ROCK1: variants seen among roughly 807,000 people sequenced by gnomAD.
ROCK1 encodes Rho associated coiled-coil containing protein kinase 1, also known as rho-associated protein kinase 1.
In ROCK1, 36 loss-of-function variants were observed where a neutral mutation model predicts 196.8. That is an observed-to-expected ratio of 0.18 (90% CI 0.14 to 0.24). ROCK1 has a LOEUF of 0.24. Ranked by LOEUF, ROCK1 falls within the 10% of genes least tolerant of loss-of-function variation. The pLI is 1.00. For missense variants in ROCK1, 920 were observed against 1,562.0 expected (o/e 0.59, Z 6.93); for synonymous variants, 443 against 515.9 (o/e 0.86, Z 1.91).
chr18:20,959,773 T>C, intron 29 of ROCK1, 67 bp downstream of exon 29: 8 of 761,742 alleles, frequency 1.1e-5, no homozygotes, highest in Non-Finnish European at 1.6e-5. Flanking sequence ...AAATAAATTT[T>C]AAGTCTAAAA....
chr18:21,047,545 G>A (rs888378097), intron 4 of ROCK1, among the ~76,000 whole-genome samples: 4 of 152,170 alleles, frequency 2.6e-5, no homozygotes, highest in Non-Finnish European at 5.9e-5. Context: ...TGTAATCCCA[G>A]CACTTTGGGA....
chr18:21,055,127 T>C (rs1207418498), intron 2 of ROCK1, among the ~76,000 whole-genome samples: 1 of 152,326 alleles, frequency 6.6e-6, no homozygotes, highest in Non-Finnish European at 1.5e-5. Context: ...TCACTTTACT[T>C]AGTTTGGCAA....
intron 4 of ROCK1, among the ~76,000 whole-genome samples, chr18:21,047,316 T>C (rs2143514175): frequency 6.6e-6 from 1 of 152,274 alleles, no homozygotes; most frequent in South Asian, 2.1e-4. Flanking sequence ...GAGTCACTAC[T>C]AGCATCCCCT....
intron 2 of ROCK1, among the ~76,000 whole-genome samples, chr18:21,056,915 A>G (rs1415803912): frequency 6.6e-6 from 1 of 152,122 alleles, no homozygotes; most frequent in African/African-American, 2.4e-5. Context: ...TCAGACATCC[A>G]CATGGCTAAC....
In ROCK1 at chr18:20,946,964, T is replaced by C. The variant is rs2035134228; in HGVS notation, c.*4420A>G. 2 of 152,230 alleles carry C rather than the reference T, an allele frequency of 1.3e-5. No homozygotes were observed. Among genetic ancestry groups the C allele is most frequent in the Non-Finnish European group, 2.9e-5 (2 of 68,042 alleles). The allele number at this position is 152,230 out of a possible 1,614,324, so 9.4% of individuals were successfully genotyped here. ...TCCTACATGGTACAAGAAACCAATT[T>C]ATAGGATTAACATACAAGTGTCACT... On this transcript the variant is annotated 3_prime_UTR_variant, in exon 33 of 33. Coordinates refer to ENST00000399799, the MANE Select transcript of ROCK1 (RefSeq NM_005406.3).
At chr18:20,955,552 A>ATTGC (rs2035233627) in intron 29 of ROCK1, 1 of 223,584 alleles carries the variant, frequency 4.5e-6, no homozygotes, top group Admixed American at 5.1e-5. Flanking sequence ...TTTCTTAGAA[A>ATTGC]ACTAAACATA....
In ROCK1 at chr18:20,995,493, C is replaced by T. The variant is rs376076022; in HGVS notation, c.1886-2556G>A. 1.8e-4 allele frequency among the ~76,000 whole-genome samples: 28 copies of T among 152,268 alleles called. 1 individual carries two copies. The South Asian group carries it at 5.8e-3, about 32-fold the overall frequency. On this transcript the variant is annotated intron_variant, in intron 16 of 32. Coordinates refer to ENST00000399799, the MANE Select transcript of ROCK1 (RefSeq NM_005406.3). The stretch of plus-strand genomic sequence containing the variant: ...CAGCACCAAGCAGGCTCTTGGGGGT[C>T]CCCAATTCCAGGTCCTGGTTCTTGG...
intron 26 of ROCK1, 140 bp from the exon 27 acceptor site, chr18:20,967,216 A>G (rs1215407716): frequency 8.3e-6 from 5 of 599,190 alleles, no homozygotes; most frequent in Non-Finnish European, 1.4e-5. Flanking sequence ...AGATTTTGAT[A>G]CACTACAGAA....
At chr18:21,039,621 T>G in intron 8 of ROCK1, 58 bp from the exon 9 acceptor site, 1 of 1,204,586 alleles carries the variant, frequency 8.3e-7, no homozygotes, top group Non-Finnish European at 1.2e-6. Context: ...TTATAACCTG[T>G]CCAGGTTTAT....
intron 21 of ROCK1, 99 bp downstream of exon 21, chr18:20,982,664 C>T: frequency 1.6e-6 from 1 of 608,892 alleles, no homozygotes; most frequent in Admixed American, 2.9e-5. Flanking sequence ...GATGAAGAGT[C>T]ATTTGAAAAA....
intron 9 of ROCK1, among the ~76,000 whole-genome samples, chr18:21,032,557 T>A (rs1269556847): frequency 6.8e-6 from 1 of 148,122 alleles, no homozygotes; most frequent in African/African-American, 2.5e-5. Context: ...CAGGAGTGCA[T>A]TGCACTACAC....
At chr18:21,020,888 A>G (rs989710767) in intron 11 of ROCK1, among the ~76,000 whole-genome samples, 1 of 152,248 alleles carries the variant, frequency 6.6e-6, no homozygotes, top group Non-Finnish European at 1.5e-5. Flanking sequence ...CACAAACTGG[A>G]GTTGGGGACT....
intron 12 of ROCK1, among the ~76,000 whole-genome samples, chr18:21,017,736 G>A (rs2035876287): frequency 6.6e-6 from 1 of 151,768 alleles, no homozygotes; most frequent in African/African-American, 2.4e-5. Context: ...ACTTTGGGAG[G>A]CCGAGGTGGG....
At chr18:21,039,675 TC>T in intron 8 of ROCK1, 112 bp from the exon 9 acceptor site, 1 of 696,836 alleles carries the variant, frequency 1.4e-6, no homozygotes, top group Non-Finnish European at 2.5e-6. Flanking sequence ...CAAATATAGT[TC>T]TAAGGTGAAA....
At chr18:21,047,436 T>G (rs543749215) in intron 4 of ROCK1, among the ~76,000 whole-genome samples, 1 of 152,144 alleles carries the variant, frequency 6.6e-6, no homozygotes, top group African/African-American at 2.4e-5. Flanking sequence ...AAAATGTCAA[T>G]AGTATTAAGC....
chr18:21,108,206 T>A (rs576080013), intron 1 of ROCK1, among the ~76,000 whole-genome samples: 4 of 152,196 alleles, frequency 2.6e-5, no homozygotes, highest in Non-Finnish European at 5.9e-5. Context: ...ACCAAATCTG[T>A]CTGTTGACTA....
chr18:21,019,581 C>T (rs1393940934), intron 12 of ROCK1, among the ~76,000 whole-genome samples: 2 of 151,662 alleles, frequency 1.3e-5, no homozygotes, highest in African/African-American at 2.4e-5. Context: ...ATCACGAGGT[C>T]AGGAGATCGA....
At chr18:21,014,273 GC>G in intron 13 of ROCK1, among the ~76,000 whole-genome samples, 1 of 152,240 alleles carries the variant, frequency 6.6e-6, no homozygotes, top group Non-Finnish European at 1.5e-5. Context: ...TAGGATACAT[GC>G]AGCAAAAAGA....
chr18:21,074,367 A>C (rs1370247168), intron 1 of ROCK1, among the ~76,000 whole-genome samples: 2 of 152,214 alleles, frequency 1.3e-5, no homozygotes, highest in Non-Finnish European at 2.9e-5. Flanking sequence ...ATAAGTAAAT[A>C]ATGTTCCAAA....
Sources: allele counts gnomAD v4.1 joint callset (sites outside exome capture counted in the v4.1 genomes callset), GRCh38; gene constraint gnomAD v4.1.1; transcripts MANE v1.5; gene names NCBI Gene and HGNC (gene_info 2026-07-23, HGNC 2026-07-21).